Variants in ABCC9 observed in about 807,000 individuals in gnomAD.
The protein encoded by ABCC9 is ATP binding cassette subfamily C member 9.
ABCC9 carries 95 observed loss-of-function variants against 188.3 expected under a neutral mutation model. The ratio of observed to expected loss-of-function variants is 0.50; its 90% confidence interval spans 0.43 to 0.60. The LOEUF (loss-of-function observed/expected upper bound fraction) is 0.60, where lower values mean the gene tolerates loss of function less well. Among genes scored for constraint, ABCC9 ranks in the 20% least tolerant of loss-of-function variants. ABCC9 has a pLI of 0.00. For synonymous variants in ABCC9, 659 were observed against 652.7 expected (o/e 1.01, Z -0.15); for missense variants, 1,102 against 1,876.3 (o/e 0.59, Z 7.62).
chr12:21,925,705 A>T (rs1169750980), intron 5 of ABCC9: 4 of 618,732 alleles, frequency 6.5e-6, no homozygotes, highest in African/African-American at 1.8e-5. Flanking sequence ...CACAGAGAGC[A>T]TTTATTGCAG....
Position 21,852,404 on chromosome 12 carries a change from C to T in ABCC9, c.2607G>A (p.Val869=), listed in dbSNP as rs762524104. The T allele has an allele frequency of 5.6e-6, 9 of 1,613,948 alleles. No individual in the cohort carries two copies. Among genetic ancestry groups the T allele is most frequent in the Non-Finnish European group, 7.6e-6 (9 of 1,179,986 alleles). The change falls in exon 23 of 40, where the codon GTG becomes GTA. Residue 869 remains valine (V), a synonymous_variant. Coordinates refer to ENST00000261200, the MANE Select transcript of ABCC9 (RefSeq NM_020297.4). ...LQDDKRTLVL[V]THKLQYLTHA... ...GCGTCAGATACTGTAATTTGTGAGT[C>T]ACAAGAACGAGTGTCCTTTTGTCAT...
chr12:21,864,841 C>G (rs1945703679), intron 18 of ABCC9, among the ~76,000 whole-genome samples: 1 of 152,074 alleles, frequency 6.6e-6, no homozygotes, highest in Non-Finnish European at 1.5e-5. Flanking sequence ...TTTCCAAGGC[C>G]TTCCAACCTT....
At chr12:21,879,643 A>G (rs1271036979) in intron 16 of ABCC9, among the ~76,000 whole-genome samples, 1 of 152,082 alleles carries the variant, frequency 6.6e-6, no homozygotes, top group Non-Finnish European at 1.5e-5. Flanking sequence ...TTTTAAATTT[A>G]AAGGCAGGGC....
Position 21,807,224 on chromosome 12 carries a change from T to C in ABCC9, c.4449+122A>G, listed in dbSNP as rs989525015. Reference sequence around the variant, plus strand: ...TATCATCAGTTCATCCAGTAGATGATTGAGCAGATTCTCAAAACAATAGTA... The same window carrying C: ...TATCATCAGTTCATCCAGTAGATGACTGAGCAGATTCTCAAAACAATAGTA... On this transcript the variant is annotated intron_variant, in intron 38 of 39. Transcript: ENST00000261200. The C allele has an allele frequency of 2.8e-5, 38 of 1,337,000 alleles. No individual in the cohort carries two copies. In the African/African-American group the frequency reaches 4.3e-4, roughly 15 times the overall value. 82.8% of individuals were successfully genotyped at this position (1,337,000 alleles called of 1,614,324 possible).
chr12:21,805,003 G>C (rs1208479298), intron 39 of ABCC9: 1 of 301,586 alleles, frequency 3.3e-6, no homozygotes, highest in Admixed American at 6.5e-5. Context: ...CCATTCGGTA[G>C]TGAGCATGAC....
At chr12:21,898,236 C>A (rs1407334905) in intron 12 of ABCC9, among the ~76,000 whole-genome samples, 1 of 152,104 alleles carries the variant, frequency 6.6e-6, no homozygotes, top group Non-Finnish European at 1.5e-5. Flanking sequence ...ATATGAAAAA[C>A]CACTTATGGC....
chr12:21,840,534 G>A (rs1179852498), intron 29 of ABCC9, among the ~76,000 whole-genome samples: 1 of 152,112 alleles, frequency 6.6e-6, no homozygotes, highest in Non-Finnish European at 1.5e-5. Context: ...ATTGATAAAG[G>A]GCAATAATAG....
intron 6 of ABCC9, 121 bp from the exon 7 acceptor site, chr12:21,916,031 C>A: frequency 1.1e-6 from 1 of 903,036 alleles, no homozygotes; most frequent in Non-Finnish European, 1.7e-6. Flanking sequence ...ATTTTAATGC[C>A]TCCTTCCATC....
At chr12:21,875,618 G>C (rs1275668796) in intron 17 of ABCC9, 36 bp downstream of exon 17, 1 of 1,463,836 alleles carries the variant, frequency 6.8e-7, no homozygotes, top group Non-Finnish European at 9.6e-7. Context: ...TTACGGTCAT[G>C]AACAATTACA....
In ABCC9 at chr12:21,861,054, A is replaced by G; in HGVS notation, c.2341T>C (p.Tyr781His). ...GAACAGGCATCTGTGACAGCTTTGT[A>G]CCTTTGGGAGAAATGATTTTGAATT... ...TFGSPFNKQR[Y>H]KAVTDACSLQ... The change falls in exon 21 of 40, where the codon TAC (tyrosine) becomes CAC (histidine). Residue 781 changes from tyrosine (Y) to histidine (H), a missense_variant and splice_region_variant. Tyr to His is a moderately conservative substitution (Grantham distance 83, BLOSUM62 2). Around this residue, in one of 12 missense-constraint regions of ABCC9, gnomAD observed 258 missense variants for 325.6 expected, o/e 0.79. Coordinates refer to ENST00000261200, the MANE Select transcript of ABCC9 (RefSeq NM_020297.4). 1 of 1,612,896 alleles carries G rather than the reference A, an allele frequency of 6.2e-7. No individual in the cohort carries two copies. Among genetic ancestry groups the G allele is most frequent in the Non-Finnish European group, 8.5e-7 (1 of 1,179,218 alleles).
chr12:21,930,064 A>G (rs1350953652), intron 4 of ABCC9, among the ~76,000 whole-genome samples: 1 of 142,194 alleles, frequency 7.0e-6, no homozygotes, highest in African/African-American at 2.6e-5. Context: ...AGTCCCACCT[A>G]TGAGTGAGAA....
At chr12:21,808,217 T>C (rs1941991507) in intron 37 of ABCC9, among the ~76,000 whole-genome samples, 1 of 152,100 alleles carries the variant, frequency 6.6e-6, no homozygotes, top group Non-Finnish European at 1.5e-5. Context: ...TAATTTGTCA[T>C]GATGGGAAAA....
At chr12:21,927,206 T>G (rs1335412294) in intron 4 of ABCC9, among the ~76,000 whole-genome samples, 1 of 152,208 alleles carries the variant, frequency 6.6e-6, no homozygotes, top group Non-Finnish European at 1.5e-5. Flanking sequence ...TAAGATAGAA[T>G]GTATCATGGA....
intron 34 of ABCC9, 146 bp downstream of exon 34, chr12:21,815,617 T>A: frequency 1.1e-6 from 1 of 925,710 alleles, no homozygotes; most frequent in South Asian, 1.4e-5. Flanking sequence ...TATCTCTCCC[T>A]TTTTTCTTTT....
Position 21,800,891 on chromosome 12 carries a change from A to G in ABCC9, c.*153T>C. ...ATATTAAGCAATAATATCTTGAAAA[A>G]CTGTTTTAAAAACAGGAAAAATAAA... On this transcript the variant is annotated 3_prime_UTR_variant, in exon 40 of 40. Transcript: ENST00000261200. The G allele has an allele frequency of 1.2e-6, 1 of 851,000 alleles. No homozygotes were observed. Among genetic ancestry groups the G allele is most frequent in the Non-Finnish European group, 1.8e-6 (1 of 550,492 alleles). The allele number at this position is 851,000 out of a possible 1,614,324, so 52.7% of individuals were successfully genotyped here.
chr12:21,911,044 G>T, intron 8 of ABCC9, 66 bp from the exon 9 acceptor site: 1 of 1,467,454 alleles, frequency 6.8e-7, no homozygotes, highest in Non-Finnish European at 9.5e-7. Context: ...TGTACAGTTT[G>T]CATTTATTAA....
chr12:21,863,853 G>GA (rs1322173981), intron 19 of ABCC9, among the ~76,000 whole-genome samples: 2 of 152,106 alleles, frequency 1.3e-5, no homozygotes, highest in Non-Finnish European at 2.9e-5. Context: ...GGTTAAAAAA[G>GA]AGAGTAGCTA....
chr12:21,914,671 TA>T (rs1948461425), intron 7 of ABCC9, among the ~76,000 whole-genome samples: 1 of 152,174 alleles, frequency 6.6e-6, no homozygotes, highest in Non-Finnish European at 1.5e-5. Flanking sequence ...GGATTAGTTA[TA>T]CATGATCATT....
intron 4 of ABCC9, among the ~76,000 whole-genome samples, chr12:21,932,095 T>A (rs867081674): frequency 6.6e-6 from 1 of 152,106 alleles, no homozygotes; most frequent in Non-Finnish European, 1.5e-5. Context: ...TCTTCTAATA[T>A]TAGCTCCTCA....
Sources: gnomAD v4.1 joint callset for allele counts (sites outside exome capture counted in the v4.1 genomes callset) on GRCh38, gnomAD v4.1.1 for gene constraint, gnomAD v4.1.1 regional missense constraint, MANE v1.5 for transcripts, NCBI Gene and HGNC (gene_info 2026-07-23, HGNC 2026-07-21) for gene names.